PCDH17: variants seen among roughly 807,000 people sequenced by gnomAD.
PCDH17 encodes protocadherin 17.
In PCDH17, 21 loss-of-function variants were observed where a neutral mutation model predicts 67.7. The observed-to-expected ratio is 0.31, with a 90% CI of 0.22 to 0.45. PCDH17 has a LOEUF of 0.45. Ranked by LOEUF, PCDH17 falls within the 20% of genes least tolerant of loss-of-function variation. The probability of loss-of-function intolerance (pLI) is 1.00; values close to 1 mark genes in which losing one functional copy is unlikely to be tolerated. For missense variants in PCDH17, 1,471 were observed against 1,564.8 expected, an observed-to-expected ratio of 0.94 and a Z score of 1.01; for synonymous variants, 701 against 656.7, an observed-to-expected ratio of 1.07 and a Z score of -1.03.
intron 3 of PCDH17, among the ~76,000 whole-genome samples, chr13:57,721,814 T>C (rs1024612612): frequency 1.3e-5 from 2 of 152,128 alleles, no homozygotes; most frequent in Admixed American, 1.3e-4. Context: ...TTTGTCTATC[T>C]TTTTTGCCCA....
chr13:57,662,425 T>C (rs1955195072), intron 1 of PCDH17, among the ~76,000 whole-genome samples: 1 of 152,216 alleles, frequency 6.6e-6, no homozygotes, highest in Admixed American at 6.5e-5. Context: ...TATTTCATTT[T>C]TTTATAATGT....
chr13:57,631,011 G>A (rs1364168092), upstream of PCDH17, among the ~76,000 whole-genome samples: 1 of 152,070 alleles, frequency 6.6e-6, no homozygotes, highest in Admixed American at 6.5e-5. Flanking sequence ...CGCCGCGGCC[G>A]CAGCTCTGCA....
intron 1 of PCDH17, among the ~76,000 whole-genome samples, chr13:57,637,046 G>A (rs1954832305): frequency 6.6e-6 from 1 of 152,024 alleles, no homozygotes. Flanking sequence ...GGTGGTCATT[G>A]CTTAAGGAGG....
rs192496715 is a variant in PCDH17 at position 57,720,261 on chromosome 13, G to A, written c.2798-4351G>A. 5.4e-3 allele frequency among the ~76,000 whole-genome samples: 817 copies of A among 151,920 alleles called. 3 individuals are homozygous for A. The highest frequency in any genetic ancestry group is 8.1e-3 in the Non-Finnish European group (552 of 67,844). ...CAGCCAATATGAATATGCAGATTTC[G>A]GGTATCTTTATGTCCAAATCCATTT... On this transcript the variant is annotated intron_variant, in intron 3 of 3. Transcript: ENST00000377918.
intron 3 of PCDH17, among the ~76,000 whole-genome samples, chr13:57,722,067 T>G (rs1352549078): frequency 1.3e-5 from 2 of 152,132 alleles, no homozygotes; most frequent in Non-Finnish European, 2.9e-5. Flanking sequence ...CAGCTTGTAA[T>G]GTATCATAAT....
chr13:57,650,960 T>G (rs1288816501), intron 1 of PCDH17, among the ~76,000 whole-genome samples: 3 of 152,200 alleles, frequency 2.0e-5, no homozygotes, highest in African/African-American at 4.8e-5. Flanking sequence ...TGCAGAGATA[T>G]CGATATGTTT....
intron 1 of PCDH17, among the ~76,000 whole-genome samples, chr13:57,644,305 A>C (rs1954939471): frequency 6.6e-6 from 1 of 151,664 alleles, no homozygotes. Context: ...CTCTGATATC[A>C]GATGTGCCAA....
chr13:57,654,431 G>A (rs2138005418), intron 1 of PCDH17, among the ~76,000 whole-genome samples: 1 of 151,880 alleles, frequency 6.6e-6, no homozygotes, highest in East Asian at 1.9e-4. Context: ...GTGTGTGCCT[G>A]TAAAAATTGC....
At chr13:57,701,915 A>T (rs1197766420) in intron 3 of PCDH17, among the ~76,000 whole-genome samples, 1 of 152,016 alleles carries the variant, frequency 6.6e-6, no homozygotes. Flanking sequence ...AGCAACAACA[A>T]TAACTGTACG....
At chr13:57,674,598 G>C (rs8002164) in intron 3 of PCDH17, among the ~76,000 whole-genome samples, 2 of 151,708 alleles carry the variant, frequency 1.3e-5, no homozygotes, top group East Asian at 3.9e-4. Flanking sequence ...AAGTGCTGGG[G>C]TCACCAGTTA....
intron 1 of PCDH17, among the ~76,000 whole-genome samples, chr13:57,644,445 T>C (rs917803408): frequency 3.8e-4 from 57 of 151,662 alleles, no homozygotes; most frequent in Non-Finnish European, 2.4e-4. Context: ...ATCAAGACAA[T>C]TACATAGTAA....
At chr13:57,702,018 A>G (rs1397689016) in intron 3 of PCDH17, among the ~76,000 whole-genome samples, 1 of 151,974 alleles carries the variant, frequency 6.6e-6, no homozygotes, top group African/African-American at 2.4e-5. Context: ...CCCAGGTTCA[A>G]GCGATTCTTC....
chr13:57,633,143 G>C lies in PCDH17; in HGVS notation c.597G>C (p.Lys199Asn), dbSNP rs750680337. ...GTKFPELVIQ[K>N]ALDREQQNHH... ...AGTTCCCAGAACTGGTCATCCAGAA[G>C]GCTCTGGACCGCGAGCAACAGAATC... Residue 199 changes from lysine to asparagine, a missense_variant, in exon 1 of 4, where the codon AAG (lysine) becomes AAC (asparagine). Physicochemically the swap from Lys to Asn is moderately conservative, Grantham distance 94. This residue lies in a region of PCDH17 where 1,163 missense variants were observed against 1,230.0 expected (regional missense o/e 0.95). Coordinates refer to ENST00000377918, the MANE Select transcript of PCDH17 (RefSeq NM_001040429.3). The surrounding 1 kb of genome is among the most constrained non-coding windows in gnomAD (Gnocchi z 6.2). 5 of 1,613,406 alleles carry C rather than the reference G, an allele frequency of 3.1e-6. No homozygotes were observed. The South Asian group carries it at 3.3e-5, about 11-fold the overall frequency.
chr13:57,700,619 G>A lies in PCDH17; in HGVS notation c.2798-23993G>A, dbSNP rs1593937810. 2.0e-5 allele frequency among the ~76,000 whole-genome samples: 3 copies of A among 152,152 alleles called. No homozygotes were observed. The South Asian group carries it at 6.2e-4, about 32-fold the overall frequency. ...GGAAGAAGCTTAGATGGATACATTT[G>A]TTTTGAGGGATTAAAGAAGCCTAAT... On this transcript the variant is annotated intron_variant, in intron 3 of 3. Coordinates refer to ENST00000377918, the MANE Select transcript of PCDH17 (RefSeq NM_001040429.3).
At chr13:57,667,401 T>C (rs1846264100) in intron 3 of PCDH17, among the ~76,000 whole-genome samples, 2 of 152,214 alleles carry the variant, frequency 1.3e-5, no homozygotes, top group South Asian at 4.1e-4. Context: ...TAAATACATA[T>C]ATTTTTGTAA....
At position 57,724,830 on chromosome 13, in the gene PCDH17, C is replaced by G. The variant is rs73207471; in HGVS notation, c.3016C>G (p.Arg1006Gly). ...KTFCTFGKDK[R>G]EHTILIANVK... ...TTTTTGTACATTTGGAAAAGACAAG[C>G]GAGAGCACACTATTCTCATTGCCAA... Residue 1006 changes from arginine to glycine, a missense_variant, in exon 4 of 4, where the codon CGA (arginine) becomes GGA (glycine). By Grantham distance (125) the Arg-to-Gly change is moderately radical. Around this residue, in one of 3 missense-constraint regions of PCDH17, gnomAD observed 297 missense variants for 298.6 expected, o/e 0.99. Transcript: ENST00000377918. 2 of 1,614,108 alleles carry G rather than the reference C, an allele frequency of 1.2e-6. No individual in the cohort carries two copies. The highest frequency in any genetic ancestry group is 3.3e-5 in the Admixed American group (2 of 60,010).
At chr13:57,713,474 A>C (rs1177977321) in intron 3 of PCDH17, among the ~76,000 whole-genome samples, 2 of 151,458 alleles carry the variant, frequency 1.3e-5, no homozygotes, top group Non-Finnish European at 3.0e-5. Flanking sequence ...TTGCTTTCCT[A>C]CCCTTTATAG....
At chr13:57,668,113 T>A (rs1200648645) in intron 3 of PCDH17, among the ~76,000 whole-genome samples, 1 of 151,934 alleles carries the variant, frequency 6.6e-6, no homozygotes, top group Non-Finnish European at 1.5e-5. Context: ...ACAAAAGCAA[T>A]GTGAATCCTT....
intron 3 of PCDH17, among the ~76,000 whole-genome samples, chr13:57,717,528 C>T (rs61961927): frequency 0.049 from 7,524 of 152,006 alleles, 257 homozygotes; most frequent in Middle Eastern, 0.095. Context: ...GTGCATTGAA[C>T]AGTAAGTGCA....
Sources: gnomAD v4.1 joint callset for allele counts (sites outside exome capture counted in the v4.1 genomes callset) on GRCh38, gnomAD v4.1.1 for gene constraint, gnomAD v4.1.1 regional missense constraint, Gnocchi (gnomAD v3.1) non-coding constraint, MANE v1.5 for transcripts, NCBI Gene and HGNC (gene_info 2026-07-23, HGNC 2026-07-21) for gene names.